Variants in CDH9 observed in about 807,000 individuals in gnomAD.
CDH9 encodes the protein cadherin-9.
CDH9 carries 28 observed loss-of-function variants against 70.9 expected under a neutral mutation model. The observed-to-expected ratio is 0.40, with a 90% confidence interval of 0.29 to 0.54. The LOEUF (loss-of-function observed/expected upper bound fraction) is 0.54, where lower values mean the gene tolerates loss of function less well. Among genes scored for constraint, CDH9 ranks in the 20% least tolerant of loss-of-function variants. The pLI, the probability that CDH9 is intolerant of heterozygous loss-of-function variation, is 0.59. For synonymous variants in CDH9, 409 were observed against 343.1 expected, an observed-to-expected ratio of 1.19 and a Z score of -2.12; for missense variants, 874 against 984.4, an observed-to-expected ratio of 0.89 and a Z score of 1.50.
intron 1 of CDH9, among the ~76,000 whole-genome samples, chr5:26,996,620 A>G (rs959206188): frequency 3.3e-5 from 5 of 151,888 alleles, no homozygotes; most frequent in African/African-American, 1.2e-4. Flanking sequence ...ATATGCTTAA[A>G]TTTATTTTTT....
At chr5:26,990,981 T>G (rs1411114942) in intron 1 of CDH9, among the ~76,000 whole-genome samples, 1 of 152,184 alleles carries the variant, frequency 6.6e-6, no homozygotes, top group East Asian at 1.9e-4. Context: ...TAGGATCCCA[T>G]AGGAGTTTAT....
At chr5:26,885,309 G>T (rs963199092) in intron 11 of CDH9, among the ~76,000 whole-genome samples, 1 of 152,186 alleles carries the variant, frequency 6.6e-6, no homozygotes, top group African/African-American at 2.4e-5. Context: ...TGAAATCAAT[G>T]AAATCAAATG....
intron 1 of CDH9, among the ~76,000 whole-genome samples, chr5:27,020,475 GTGA>G (rs1251977667): frequency 4.0e-5 from 6 of 151,400 alleles, no homozygotes; most frequent in Non-Finnish European, 5.9e-5. Flanking sequence ...TTAACCAAAT[GTGA>G]TGATAATTTG....
rs1743116707 is a variant in CDH9, at chr5:27,020,367, A to C, written c.-50+18096T>G. Among the ~76,000 whole-genome samples the C allele has an allele frequency of 2.0e-5, 3 of 151,800 alleles. No homozygotes were observed. The South Asian group carries it at 6.2e-4, about 32-fold the overall frequency. ...CTTAACTTCTTTTTTTCTGGAAACC[A>C]ACAATTCCATGAATTTTATATTTAC... On this transcript the variant is annotated intron_variant, in intron 1 of 11. Coordinates refer to ENST00000231021, the MANE Select transcript of CDH9 (RefSeq NM_016279.4).
intron 2 of CDH9, among the ~76,000 whole-genome samples, chr5:26,964,423 G>A (rs1742092667): frequency 6.6e-6 from 1 of 152,200 alleles, no homozygotes; most frequent in Non-Finnish European, 1.5e-5. Context: ...ATCATGTGTT[G>A]TTATATCTCT....
At chr5:26,885,535 G>T (rs1740549148) in intron 11 of CDH9, 79 bp downstream of exon 11, 1 of 1,119,786 alleles carries the variant, frequency 8.9e-7, no homozygotes, top group Non-Finnish European at 1.3e-6. Flanking sequence ...AGAGAAAATT[G>T]TTATTCAGTG....
At chr5:26,910,149 T>A (rs1741023930) in intron 3 of CDH9, among the ~76,000 whole-genome samples, 1 of 152,076 alleles carries the variant, frequency 6.6e-6, no homozygotes, top group African/African-American at 2.4e-5. Flanking sequence ...ATGAAAATGT[T>A]TTGAATCTAG....
intron 2 of CDH9, among the ~76,000 whole-genome samples, chr5:26,918,349 C>T (rs1464415360): frequency 6.6e-6 from 1 of 152,152 alleles, no homozygotes; most frequent in Non-Finnish European, 1.5e-5. Context: ...CTGCTCTTGA[C>T]TTACATAGCA....
In CDH9 at chr5:26,915,769, G is replaced by A; in HGVS notation, c.384C>T (p.Ala128=). Residue 128 remains alanine (A), a synonymous_variant, in exon 3 of 12, where the codon GCC becomes GCT. Transcript: ENST00000231021. ...REEKSLYILR[A]KAIDRKTGRQ... ...GCCCAGTTTTTCTGTCTATAGCCTTGGCACGAAGAATGTACAGAGATTTTT... is the reference window on the plus strand; with the variant it reads ...GCCCAGTTTTTCTGTCTATAGCCTTAGCACGAAGAATGTACAGAGATTTTT... 6.2e-7 allele frequency: 1 copy of A among 1,613,422 alleles called. No individual in the cohort carries two copies. Among genetic ancestry groups the A allele is most frequent in the Non-Finnish European group, 8.5e-7 (1 of 1,179,588 alleles).
At chr5:27,037,164 ACT>A (rs1421959175) in intron 1 of CDH9, among the ~76,000 whole-genome samples, 1 of 151,940 alleles carries the variant, frequency 6.6e-6, no homozygotes, top group African/African-American at 2.4e-5. Context: ...AAGATGGGTA[ACT>A]CTTCCAAATT....
At chr5:26,916,706 C>T (rs1741155640) in intron 2 of CDH9, among the ~76,000 whole-genome samples, 1 of 151,910 alleles carries the variant, frequency 6.6e-6, no homozygotes, top group Non-Finnish European at 1.5e-5. Flanking sequence ...GGGGGAACTA[C>T]TGTAGAACAT....
rs374314549 is a variant in CDH9 at position 26,955,815 on chromosome 5, C to T, written c.228+32291G>A. Among the ~76,000 whole-genome samples the T allele has an allele frequency of 3.5e-4, 54 of 152,212 alleles. No homozygotes were observed. In the East Asian group the frequency reaches 4.6e-3, roughly 13 times the overall value. Reference sequence around the variant, plus strand: ...CTCATATACTGTGCACTAGGCTAAACGGAACATCAGTATAGGATAGTGGTT... The same window carrying T: ...CTCATATACTGTGCACTAGGCTAAATGGAACATCAGTATAGGATAGTGGTT... On this transcript the variant is annotated intron_variant, in intron 2 of 11. Coordinates refer to ENST00000231021, the MANE Select transcript of CDH9 (RefSeq NM_016279.4).
At chr5:27,027,781 G>T (rs941242776) in intron 1 of CDH9, among the ~76,000 whole-genome samples, 1 of 151,956 alleles carries the variant, frequency 6.6e-6, no homozygotes, top group East Asian at 1.9e-4. Flanking sequence ...ATGGGAGCTG[G>T]GAAGAGATCA....
chr5:26,914,074 T>C (rs966387797), intron 3 of CDH9, among the ~76,000 whole-genome samples: 2 of 152,014 alleles, frequency 1.3e-5, no homozygotes, highest in Non-Finnish European at 2.9e-5. Flanking sequence ...TTAAAATAAT[T>C]ATTCTTAAAG....
intron 2 of CDH9, among the ~76,000 whole-genome samples, chr5:26,971,821 T>C (rs34598023): frequency 0.061 from 9,279 of 152,114 alleles, 383 homozygotes; most frequent in Non-Finnish European, 0.091. Flanking sequence ...CTATAAAATG[T>C]ATAATAACAG....
chr5:27,021,532 G>T (rs1743138508), intron 1 of CDH9, among the ~76,000 whole-genome samples: 2 of 151,700 alleles, frequency 1.3e-5, no homozygotes, highest in African/African-American at 4.8e-5. Context: ...TAATAACATT[G>T]AAGTTTTGTC....
At chr5:26,952,652 A>AAAAG (rs1554000027) in intron 2 of CDH9, among the ~76,000 whole-genome samples, 50 of 141,424 alleles carry the variant, frequency 3.5e-4, no homozygotes, top group Middle Eastern at 3.7e-3. Flanking sequence ...AAAAAAAAAA[A>AAAAG]AAAGAAAGAA....
intron 1 of CDH9, 62 bp from the exon 2 acceptor site, chr5:26,988,444 T>C (rs547412475): frequency 7.4e-7 from 1 of 1,345,076 alleles, no homozygotes; most frequent in African/African-American, 1.5e-5. Flanking sequence ...CCACAACGTG[T>C]AAACTGAAAT....
chr5:26,948,474 A>T (rs1193582873), intron 2 of CDH9, among the ~76,000 whole-genome samples: 2 of 152,234 alleles, frequency 1.3e-5, no homozygotes, highest in Non-Finnish European at 2.9e-5. Context: ...AGCACATATC[A>T]CACAGCCTCT....
Sources: gnomAD v4.1 joint callset for allele counts (sites outside exome capture counted in the v4.1 genomes callset) on GRCh38, gnomAD v4.1.1 for gene constraint, MANE v1.5 for transcripts, NCBI Gene and HGNC (gene_info 2026-07-23, HGNC 2026-07-21) for gene names.